Variants in SNTB1 observed in about 807,000 individuals in gnomAD.
SNTB1 encodes syntrophin beta 1, also known as beta-1-syntrophin.
A neutral mutation model predicts 48.9 loss-of-function variants in SNTB1; 36 were observed. The ratio of observed to expected loss-of-function variants is 0.74; its 90% CI spans 0.56 to 0.97. SNTB1 has a LOEUF of 0.97. Ranked by LOEUF, SNTB1 falls within the 50% of genes least tolerant of loss-of-function variation. The probability of loss-of-function intolerance (pLI) is 0.00; values close to 1 mark genes in which losing one functional copy is unlikely to be tolerated. For missense variants in SNTB1, 786 were observed against 703.4 expected (o/e 1.12, Z -1.33); for synonymous variants, 299 against 294.6 (o/e 1.01, Z -0.15).
chr8:120,571,355 C>T (rs964224589), intron 4 of SNTB1: 10 of 1,287,170 alleles, frequency 7.8e-6, no homozygotes, highest in African/African-American at 3.0e-5. Flanking sequence ...ATAATGTTCA[C>T]GGATGAGGAC....
chr8:120,793,110 A>C (rs1451720576), intron 1 of SNTB1, among the ~76,000 whole-genome samples: 1 of 151,898 alleles, frequency 6.6e-6, no homozygotes, highest in Non-Finnish European at 1.5e-5. Context: ...ATGAGCTTGG[A>C]GATGCAACTG....
chr8:120,542,192 AT>A (rs763110354), intron 5 of SNTB1, 192 bp from the exon 6 acceptor site: 46 of 541,620 alleles, frequency 8.5e-5, no homozygotes, highest in Non-Finnish European at 1.3e-4. Context: ...TAAAAGCCCC[AT>A]AGAACTAAGG....
intron 4 of SNTB1, chr8:120,570,721 T>A (rs958684198): frequency 5.9e-5 from 9 of 152,848 alleles, no homozygotes; most frequent in African/African-American, 2.2e-4. Context: ...TTCCCCTCAT[T>A]CCCCAGGGCC....
intron 1 of SNTB1, among the ~76,000 whole-genome samples, chr8:120,752,288 C>T (rs1171060381): frequency 1.3e-5 from 2 of 151,990 alleles, no homozygotes; most frequent in African/African-American, 4.8e-5. Flanking sequence ...ATGCATATAT[C>T]ATATATATTG....
intron 1 of SNTB1, among the ~76,000 whole-genome samples, chr8:120,707,726 G>C (rs1818400809): frequency 6.6e-6 from 1 of 152,114 alleles, no homozygotes; most frequent in African/African-American, 2.4e-5. Context: ...CCAAGCACCA[G>C]ACCTGGAATT....
intron 1 of SNTB1, among the ~76,000 whole-genome samples, chr8:120,778,062 C>A (rs368490968): frequency 2.0e-5 from 3 of 152,234 alleles, no homozygotes; most frequent in African/African-American, 7.2e-5. Flanking sequence ...TCTGCCACAT[C>A]CAAACTTTGT....
intron 1 of SNTB1, among the ~76,000 whole-genome samples, chr8:120,806,100 G>T (rs183500452): frequency 6.6e-6 from 1 of 152,246 alleles, no homozygotes; most frequent in Admixed American, 6.5e-5. Flanking sequence ...GCACTACAAA[G>T]TGACGAGGCA....
chr8:120,725,410 C>T (rs1361792152), intron 1 of SNTB1, among the ~76,000 whole-genome samples: 1 of 152,162 alleles, frequency 6.6e-6, no homozygotes, highest in Admixed American at 6.5e-5. Flanking sequence ...ACTACCTGCA[C>T]CTAGGTCCTT....
chr8:120,553,868 C>T (rs746536959), intron 4 of SNTB1, among the ~76,000 whole-genome samples: 1 of 152,028 alleles, frequency 6.6e-6, no homozygotes, highest in Non-Finnish European at 1.5e-5. Context: ...TGTGGTGGCA[C>T]GTGCCTGTAG....
At chr8:120,779,934 T>C (rs1819804491) in intron 1 of SNTB1, among the ~76,000 whole-genome samples, 1 of 152,080 alleles carries the variant, frequency 6.6e-6, no homozygotes, top group South Asian at 2.1e-4. Context: ...AAAAACAATA[T>C]AATATATCCA....
intron 1 of SNTB1, among the ~76,000 whole-genome samples, chr8:120,766,771 G>A (rs1006288896): frequency 1.3e-5 from 2 of 152,004 alleles, no homozygotes; most frequent in Non-Finnish European, 2.9e-5. Flanking sequence ...ATCTACTTTG[G>A]TATATTTTAT....
chr8:120,677,780 C>T (rs1255428108), intron 2 of SNTB1, among the ~76,000 whole-genome samples: 2 of 151,998 alleles, frequency 1.3e-5, no homozygotes, highest in African/African-American at 4.8e-5. Context: ...AAGTAAATTG[C>T]CAAAAGTCAC....
At chr8:120,591,415 A>C (rs1315295779) in intron 3 of SNTB1, among the ~76,000 whole-genome samples, 1 of 152,106 alleles carries the variant, frequency 6.6e-6, no homozygotes, top group East Asian at 1.9e-4. Flanking sequence ...TAAGGGTCAA[A>C]GGTGTACATG....
intron 2 of SNTB1, among the ~76,000 whole-genome samples, chr8:120,666,773 TA>T (rs1460367753): frequency 2.0e-5 from 3 of 152,178 alleles, no homozygotes; most frequent in South Asian, 4.1e-4. Context: ...TGTTCATTTT[TA>T]AAAAATTATC....
chr8:120,607,371 CTTTTCTTTTT>C (rs1816541527), intron 3 of SNTB1, among the ~76,000 whole-genome samples: 2 of 151,904 alleles, frequency 1.3e-5, no homozygotes, highest in South Asian at 4.1e-4. Context: ...TGCCATTTAA[CTTTTCTTTTT>C]TTTTCTTTTC....
At chr8:120,687,018 A>G (rs1263929470) in intron 2 of SNTB1, among the ~76,000 whole-genome samples, 1 of 152,210 alleles carries the variant, frequency 6.6e-6, no homozygotes, top group Non-Finnish European at 1.5e-5. Context: ...AGGAGAAAAG[A>G]CAGGAAAAAG....
intron 1 of SNTB1, among the ~76,000 whole-genome samples, chr8:120,743,287 CTG>C (rs1341810161): frequency 6.6e-6 from 1 of 152,210 alleles, no homozygotes; most frequent in East Asian, 1.9e-4. Context: ...AATTGGATGA[CTG>C]TGTTTTATTA....
chr8:120,661,195 TA>T lies in SNTB1; in HGVS notation c.789-28545del, dbSNP rs34319576. Among the ~76,000 whole-genome samples the T allele has an allele frequency of 5.2e-3, 753 of 143,660 alleles. 4 individuals carry two copies. Among genetic ancestry groups the T allele is most frequent in the South Asian group, 0.019 (85 of 4,536 alleles). 94.2% of individuals were successfully genotyped at this position (143,660 alleles called of 152,430 possible). On this transcript the variant is annotated intron_variant, in intron 2 of 6. Coordinates refer to ENST00000517992, the MANE Select transcript of SNTB1 (RefSeq NM_021021.4). ...GGGTTGTCACAAACCTTCAATTTGT[TA>T]AAAAAAAAAAAGAGTATGTGCAAAG...
chr8:120,633,668 A>G (rs1228096531), intron 2 of SNTB1, among the ~76,000 whole-genome samples: 2 of 152,164 alleles, frequency 1.3e-5, no homozygotes, highest in African/African-American at 4.8e-5. Flanking sequence ...CTTAGGCCAG[A>G]ACTGTAATTG....
Sources: gnomAD v4.1 joint callset for allele counts (sites outside exome capture counted in the v4.1 genomes callset) on GRCh38, gnomAD v4.1.1 for gene constraint, MANE v1.5 for transcripts, NCBI Gene and HGNC (gene_info 2026-07-23, HGNC 2026-07-21) for gene names.